Variants in ASIC2 observed in about 807,000 individuals in gnomAD.
The protein encoded by ASIC2 is acid sensing ion channel subunit 2.
ASIC2 carries 25 observed loss-of-function variants against 57.3 expected under a neutral mutation model. The observed-to-expected ratio is 0.44, with a 90% CI of 0.32 to 0.61. The LOEUF is 0.61. Ranked by LOEUF, ASIC2 falls within the 20% of genes least tolerant of loss-of-function variation. The pLI, the probability that ASIC2 is intolerant of heterozygous loss-of-function variation, is 0.06. For synonymous variants in ASIC2, 319 were observed against 307.5 expected (o/e 1.04, Z -0.39); for missense variants, 641 against 738.1 (o/e 0.87, Z 1.52).
In ASIC2 at chr17:33,974,202, C is replaced by G. The variant is rs567105659; in HGVS notation, c.555+181776G>C. 3.9e-5 allele frequency among the ~76,000 whole-genome samples: 6 copies of G among 152,266 alleles called. No individual in the cohort carries two copies. The South Asian group carries it at 1.0e-3, about 26-fold the overall frequency. Reference sequence around the variant, plus strand: ...CAGTCTGGCTTGCAAGTCAGGAGCCCTGCAGTCTATTACCAAACTTCCCCT... The same window carrying G: ...CAGTCTGGCTTGCAAGTCAGGAGCCGTGCAGTCTATTACCAAACTTCCCCT... On this transcript the variant is annotated intron_variant, in intron 1 of 9. Transcript: ENST00000359872.
At chr17:33,143,600 G>A (rs1219421493) in intron 1 of ASIC2, among the ~76,000 whole-genome samples, 4 of 152,190 alleles carry the variant, frequency 2.6e-5, no homozygotes, top group Non-Finnish European at 5.9e-5. Context: ...ACTCCTGACT[G>A]TTGGTCTCTA....
chr17:33,588,908 A>C (rs540504725), intron 1 of ASIC2, among the ~76,000 whole-genome samples: 26 of 152,340 alleles, frequency 1.7e-4, no homozygotes, highest in Non-Finnish European at 2.9e-4. Flanking sequence ...ACCATTTCTC[A>C]GTCAATTCAC....
chr17:34,012,383 C>T (rs1906801505), intron 1 of ASIC2, among the ~76,000 whole-genome samples: 1 of 152,224 alleles, frequency 6.6e-6, no homozygotes, highest in Non-Finnish European at 1.5e-5. Context: ...TCCCTTGAAA[C>T]ATATGCAATA....
intron 1 of ASIC2, among the ~76,000 whole-genome samples, chr17:33,914,984 T>G (rs1342594648): frequency 6.6e-6 from 1 of 152,226 alleles, no homozygotes; most frequent in Non-Finnish European, 1.5e-5. Flanking sequence ...TATGGTCTGC[T>G]GTGGCTGTCT....
intron 1 of ASIC2, among the ~76,000 whole-genome samples, chr17:33,546,679 C>T (rs1915588438): frequency 6.6e-6 from 1 of 152,130 alleles, no homozygotes; most frequent in Non-Finnish European, 1.5e-5. Context: ...CTTCCTGAGT[C>T]CTCATGGGTA....
intron 1 of ASIC2, among the ~76,000 whole-genome samples, chr17:33,552,773 C>T (rs1365898371): frequency 6.6e-6 from 1 of 152,196 alleles, no homozygotes; most frequent in Non-Finnish European, 1.5e-5. Flanking sequence ...TCAAAAGTTA[C>T]GTACTGAGTT....
At chr17:33,910,711 A>G (rs1258993919) in intron 1 of ASIC2, among the ~76,000 whole-genome samples, 2 of 152,142 alleles carry the variant, frequency 1.3e-5, no homozygotes, top group Non-Finnish European at 2.9e-5. Context: ...AATAAACACT[A>G]CTGGAATGAC....
intron 1 of ASIC2, among the ~76,000 whole-genome samples, chr17:33,889,587 A>G (rs1914913392): frequency 6.6e-6 from 1 of 152,178 alleles, no homozygotes; most frequent in Admixed American, 6.5e-5. Flanking sequence ...AAAGAGAAGG[A>G]GCTTAGCTTC....
At chr17:33,180,151 A>T (rs187323166) in intron 1 of ASIC2, among the ~76,000 whole-genome samples, 40 of 152,346 alleles carry the variant, frequency 2.6e-4, no homozygotes, top group African/African-American at 9.6e-4. Flanking sequence ...ATCTTGACCT[A>T]CACTCTTAAC....
intron 1 of ASIC2, among the ~76,000 whole-genome samples, chr17:33,970,537 C>T (rs776648107): frequency 8.5e-5 from 13 of 152,164 alleles, no homozygotes; most frequent in East Asian, 3.9e-4. Flanking sequence ...CTATGGGAAC[C>T]GCAAAAGACA....
chr17:33,252,536 C>T (rs778039300), intron 1 of ASIC2, among the ~76,000 whole-genome samples: 3 of 152,112 alleles, frequency 2.0e-5, no homozygotes, highest in Non-Finnish European at 4.4e-5. Context: ...TGGGTAATAT[C>T]TTCAGCATTG....
chr17:33,373,686 TC>T (rs59348268), intron 1 of ASIC2, among the ~76,000 whole-genome samples: 89,491 of 151,672 alleles, frequency 0.59, 26,739 homozygotes, highest in East Asian at 0.79. Flanking sequence ...GTCTTTTTTT[TC>T]TCTTTTCTCA....
intron 1 of ASIC2, among the ~76,000 whole-genome samples, chr17:33,905,371 A>G (rs894769073): frequency 1.3e-5 from 2 of 152,088 alleles, no homozygotes; most frequent in Non-Finnish European, 2.9e-5. Flanking sequence ...CTGATCCCAC[A>G]TCTCACTGGA....
intron 3 of ASIC2, among the ~76,000 whole-genome samples, chr17:33,047,958 A>G (rs2091961733): frequency 6.6e-6 from 1 of 152,174 alleles, no homozygotes; most frequent in African/African-American, 2.4e-5. Context: ...CTCCTCCCCA[A>G]AATTCATATA....
intron 1 of ASIC2, among the ~76,000 whole-genome samples, chr17:33,543,748 G>A (rs973491221): frequency 7.2e-5 from 11 of 152,158 alleles, no homozygotes; most frequent in Admixed American, 5.9e-4. Context: ...CTCTAAGCAT[G>A]AGGAGCCTGG....
At chr17:33,317,650 T>C (rs549398975) in intron 1 of ASIC2, among the ~76,000 whole-genome samples, 1 of 152,082 alleles carries the variant, frequency 6.6e-6, no homozygotes, top group Non-Finnish European at 1.5e-5. Context: ...GAATCAGAGA[T>C]AAATAAGACC....
At chr17:33,153,914 C>A (rs566352864) in intron 1 of ASIC2, among the ~76,000 whole-genome samples, 3 of 152,162 alleles carry the variant, frequency 2.0e-5, no homozygotes, top group Non-Finnish European at 4.4e-5. Context: ...CGAGCTCCTG[C>A]GGGTTTGGCA....
intron 1 of ASIC2, among the ~76,000 whole-genome samples, chr17:33,800,874 A>C (rs1240397461): frequency 6.6e-6 from 1 of 152,174 alleles, no homozygotes; most frequent in Non-Finnish European, 1.5e-5. Context: ...GAAGGGATGC[A>C]CAGAGACATT....
chr17:33,170,916 A>G (rs115606061), intron 1 of ASIC2, among the ~76,000 whole-genome samples: 2,291 of 152,300 alleles, frequency 0.015, 62 homozygotes, highest in African/African-American at 0.051. Flanking sequence ...TTCTTGTTGA[A>G]CCCAACATAT....
Sources: allele counts gnomAD v4.1 joint callset (sites outside exome capture counted in the v4.1 genomes callset), GRCh38; gene constraint gnomAD v4.1.1; transcripts MANE v1.5; gene names NCBI Gene and HGNC (gene_info 2026-07-23, HGNC 2026-07-21).